The following UNC13C variants were observed in gnomAD, a reference collection of about 807,000 sequenced individuals.
UNC13C encodes the protein unc-13 homolog C.
In UNC13C, 174 loss-of-function variants were observed where a neutral mutation model predicts 245.4. The observed-to-expected ratio is 0.71, with a 90% confidence interval of 0.63 to 0.80. The LOEUF is 0.80. Among genes scored for constraint, UNC13C ranks in the 30% least tolerant of loss-of-function variants. The pLI, the probability that UNC13C is intolerant of heterozygous loss-of-function variation, is 0.00. For synonymous variants in UNC13C, 992 were observed against 895.1 expected (o/e 1.11, Z -1.93); for missense variants, 2,829 against 2,602.9 (o/e 1.09, Z -1.89).
intron 4 of UNC13C, among the ~76,000 whole-genome samples, chr15:54,154,833 T>A (rs1486344578): frequency 6.6e-6 from 1 of 152,196 alleles, no homozygotes; most frequent in Non-Finnish European, 1.5e-5. Context: ...GAGCTTCTCA[T>A]TGGACAGAAC....
In UNC13C at chr15:54,013,730, A is replaced by T; in HGVS notation, c.827A>T (p.Glu276Val). The T allele has an allele frequency of 6.2e-7, 1 of 1,612,934 alleles. No individual in the cohort carries two copies. The highest frequency in any genetic ancestry group is 1.1e-5 in the South Asian group (1 of 90,964). Residue 276 changes from glutamate to valine, a missense_variant, in exon 2 of 33, where the codon GAG becomes GTG. Coordinates refer to ENST00000260323, the MANE Select transcript of UNC13C (RefSeq NM_001080534.3). ...AATGCTCTCAAGCACTCCATCGATGAGATCTCCAGCAGTGTGGAGGTTGTA... is the reference window on the plus strand; with the variant it reads ...AATGCTCTCAAGCACTCCATCGATGTGATCTCCAGCAGTGTGGAGGTTGTA... ...HVNALKHSIDEISSSVEVVQS... is the reference protein window; with the variant it reads ...HVNALKHSIDVISSSVEVVQS...
the UNC13C span, among the ~76,000 whole-genome samples, chr15:53,878,508 A>AT: frequency 6.6e-6 from 1 of 152,186 alleles, no homozygotes; most frequent in Non-Finnish European, 1.5e-5. Context: ...TGCAGCAGGA[A>AT]TTATCATTTC....
At chr15:54,398,540 A>G (rs2040118147) in intron 18 of UNC13C, among the ~76,000 whole-genome samples, 1 of 151,176 alleles carries the variant, frequency 6.6e-6, no homozygotes, top group African/African-American at 2.4e-5. Context: ...TTCTTTTCTG[A>G]ATTTTTGATA....
intron 2 of UNC13C, among the ~76,000 whole-genome samples, chr15:54,125,414 G>A (rs1227081891): frequency 7.2e-5 from 11 of 152,120 alleles, no homozygotes; most frequent in Admixed American, 5.9e-4. Flanking sequence ...GGTGAACTGA[G>A]ACTGCGCCAC....
chr15:54,494,078 A>G (rs1893842720), intron 19 of UNC13C, among the ~76,000 whole-genome samples: 1 of 152,108 alleles, frequency 6.6e-6, no homozygotes, highest in Non-Finnish European at 1.5e-5. Context: ...TAGGCCAGAA[A>G]TGTGATCTAC....
intron 1 of UNC13C, among the ~76,000 whole-genome samples, chr15:53,994,510 G>A (rs977370573): frequency 6.6e-6 from 1 of 152,038 alleles, no homozygotes; most frequent in Non-Finnish European, 1.5e-5. Context: ...GTTCCATTGT[G>A]TGAAGAGAAT....
intron 22 of UNC13C, among the ~76,000 whole-genome samples, chr15:54,505,219 A>C (rs1894418320): frequency 6.6e-6 from 1 of 152,128 alleles, no homozygotes; most frequent in African/African-American, 2.4e-5. Flanking sequence ...AGTTCCCCAA[A>C]GATAAAATCA....
rs187397429 is a variant in UNC13C at position 54,012,902 on chromosome 15, C to T, written c.-2C>T. ...CAGAAAAGCTTGCACTAATTGCTCTCCATGGTGGCTAATTTTTTCAAGAGC... is the reference window on the plus strand; with the variant it reads ...CAGAAAAGCTTGCACTAATTGCTCTTCATGGTGGCTAATTTTTTCAAGAGC... On this transcript the variant is annotated 5_prime_UTR_variant, in exon 2 of 33. Coordinates refer to ENST00000260323, the MANE Select transcript of UNC13C (RefSeq NM_001080534.3). The T allele has an allele frequency of 1.1e-4, 174 of 1,590,246 alleles. 1 individual carries two copies. The Admixed American group carries it at 2.3e-3, about 21-fold the overall frequency.
At chr15:54,276,151 G>A (rs2036826506) in intron 10 of UNC13C, among the ~76,000 whole-genome samples, 1 of 152,050 alleles carries the variant, frequency 6.6e-6, no homozygotes, top group South Asian at 2.1e-4. Flanking sequence ...GAGAGGAACT[G>A]ATTACAAAGA....
intron 28 of UNC13C, among the ~76,000 whole-genome samples, chr15:54,552,590 A>C (rs1251459382): frequency 3.6e-5 from 1 of 27,988 alleles, no homozygotes; most frequent in Non-Finnish European, 6.7e-5. Flanking sequence ...ATTATATTGT[A>C]CAATATATAA....
intron 30 of UNC13C, among the ~76,000 whole-genome samples, chr15:54,577,554 C>CGTT (rs1898009246): frequency 6.6e-6 from 1 of 152,144 alleles, no homozygotes; most frequent in African/African-American, 2.4e-5. Context: ...GGGAAGACTA[C>CGTT]GTTCAGATAT....
the UNC13C span, among the ~76,000 whole-genome samples, chr15:53,943,896 T>C: frequency 6.6e-6 from 1 of 152,144 alleles, no homozygotes; most frequent in Non-Finnish European, 1.5e-5. Context: ...TTTTTTTTTC[T>C]CTGAAGTCTG....
chr15:54,606,413 A>G (rs1022049939), intron 30 of UNC13C, among the ~76,000 whole-genome samples: 4 of 152,238 alleles, frequency 2.6e-5, no homozygotes, highest in Non-Finnish European at 5.9e-5. Context: ...TTCAAAGGTC[A>G]TGATGATCCT....
intron 2 of UNC13C, among the ~76,000 whole-genome samples, chr15:54,064,662 G>T (rs1461079827): frequency 2.0e-5 from 3 of 152,122 alleles, no homozygotes; most frequent in Admixed American, 6.6e-5. Context: ...GGTGCTTCTT[G>T]TTCCTTTGCA....
chr15:54,164,973 C>T (rs2033115127), intron 4 of UNC13C, among the ~76,000 whole-genome samples: 1 of 152,088 alleles, frequency 6.6e-6, no homozygotes, highest in African/African-American at 2.4e-5. Flanking sequence ...AACAAAATCA[C>T]TTGTAAAATC....
intron 4 of UNC13C, among the ~76,000 whole-genome samples, chr15:54,229,881 T>C (rs2035500932): frequency 6.6e-6 from 1 of 152,200 alleles, no homozygotes; most frequent in Non-Finnish European, 1.5e-5. Flanking sequence ...GTGGTATTTG[T>C]GTTTCTATGG....
the UNC13C span, chr15:53,911,349 A>C: frequency 6.6e-6 from 1 of 152,196 alleles, no homozygotes; most frequent in African/African-American, 2.4e-5. Flanking sequence ...ATTCAGTCTG[A>C]TGCTGAGGAG....
intron 1 of UNC13C, among the ~76,000 whole-genome samples, chr15:53,986,620 A>G (rs1894154924): frequency 6.6e-6 from 1 of 152,104 alleles, no homozygotes; most frequent in South Asian, 2.1e-4. Flanking sequence ...TTTAAAAATT[A>G]TACAGTACCA....
At chr15:54,218,420 T>G (rs2035109251) in intron 4 of UNC13C, among the ~76,000 whole-genome samples, 1 of 151,914 alleles carries the variant, frequency 6.6e-6, no homozygotes, top group Non-Finnish European at 1.5e-5. Context: ...ACTTGAATGG[T>G]AAGTAGGTGT....
Sources: allele counts gnomAD v4.1 joint callset (sites outside exome capture counted in the v4.1 genomes callset), GRCh38; gene constraint gnomAD v4.1.1; transcripts MANE v1.5; gene names NCBI Gene and HGNC (gene_info 2026-07-23, HGNC 2026-07-21).